ANO3: variants seen among roughly 807,000 people sequenced by gnomAD.
ANO3 encodes anoctamin-3.
A neutral mutation model predicts 144.8 loss-of-function variants in ANO3; 99 were observed. The ratio of observed to expected loss-of-function variants is 0.68; its 90% confidence interval spans 0.58 to 0.81. ANO3 has a LOEUF of 0.81. ANO3 is among the 30% of genes least tolerant of loss of function. The pLI is 0.00. For missense variants in ANO3, 905 were observed against 1,202.2 expected (o/e 0.75, Z 3.66); for synonymous variants, 414 against 392.6 (o/e 1.05, Z -0.64).
At chr11:26,639,112 A>G in intron 20 of ANO3, 32 bp from the exon 21 acceptor site, 1 of 1,455,890 alleles carries the variant, frequency 6.9e-7, no homozygotes, top group Non-Finnish European at 9.7e-7. Flanking sequence ...GAAGAAGACC[A>G]ATATCATTAT....
intron 1 of ANO3, among the ~76,000 whole-genome samples, chr11:26,319,937 C>G (rs997198958): frequency 1.3e-5 from 2 of 152,070 alleles, no homozygotes; most frequent in Non-Finnish European, 2.9e-5. Context: ...GGACTAAGAA[C>G]TTACCCAGTT....
At chr11:26,631,590 AT>A (rs1156731756) in intron 18 of ANO3, among the ~76,000 whole-genome samples, 1 of 152,162 alleles carries the variant, frequency 6.6e-6, no homozygotes, top group Non-Finnish European at 1.5e-5. Flanking sequence ...AAAAAATAAA[AT>A]CCAGCTAGAT....
Position 26,190,912 on chromosome 11 carries a change from A to T in ANO3, c.154+1582A>T, listed in dbSNP as rs1472328855. On this transcript the variant is annotated intron_variant, in intron 1 of 27. Coordinates refer to the ANO3 transcript ENST00000672621. Reference sequence around the variant, plus strand: ...CATATTTTTCTATGACTTCTAAGTAATCTCAATATTCCTTAACATTTATTG... The same window carrying T: ...CATATTTTTCTATGACTTCTAAGTATTCTCAATATTCCTTAACATTTATTG... Among the ~76,000 whole-genome samples the T allele has an allele frequency of 3.3e-5, 5 of 152,302 alleles. No homozygotes were observed. In the East Asian group the frequency reaches 9.7e-4, roughly 29 times the overall value.
chr11:26,231,852 C>T (rs1852406537), intron 1 of ANO3, among the ~76,000 whole-genome samples: 1 of 152,136 alleles, frequency 6.6e-6, no homozygotes, highest in Non-Finnish European at 1.5e-5. Context: ...TATTTGGAGT[C>T]AAACAGTCCT....
At chr11:26,563,909 C>A (rs1850405852) in intron 14 of ANO3, among the ~76,000 whole-genome samples, 1 of 151,826 alleles carries the variant, frequency 6.6e-6, no homozygotes, top group African/African-American at 2.4e-5. Flanking sequence ...TATTTGAAGA[C>A]TAAATTTTCA....
At position 26,412,240 on chromosome 11, in the gene ANO3, C is replaced by T. The variant is rs530453726; in HGVS notation, c.47-29678C>T. Among the ~76,000 whole-genome samples the T allele has an allele frequency of 7.9e-5, 12 of 151,844 alleles. 1 individual carries two copies. In the South Asian group the frequency reaches 2.5e-3, roughly 32 times the overall value. ...GGCTATCTGAACCTGTGATTACAGC[C>T]ACCTGTTAGATGGGGAGAAAAATAG... On this transcript the variant is annotated intron_variant, in intron 1 of 26. Coordinates refer to ENST00000256737, the MANE Select transcript of ANO3 (RefSeq NM_031418.4).
At chr11:26,447,278 AT>A (rs1858738368) in intron 3 of ANO3, among the ~76,000 whole-genome samples, 2 of 151,912 alleles carry the variant, frequency 1.3e-5, no homozygotes, top group Non-Finnish European at 1.5e-5. Context: ...TGGATAAACA[AT>A]AATTTACTGG....
intron 1 of ANO3, among the ~76,000 whole-genome samples, chr11:26,201,945 T>C (rs1851701919): frequency 6.6e-6 from 1 of 151,500 alleles, no homozygotes; most frequent in South Asian, 2.1e-4. Flanking sequence ...CCTATTACAG[T>C]TGTAATGATT....
intron 1 of ANO3, among the ~76,000 whole-genome samples, chr11:26,202,330 T>A (rs1167183060): frequency 6.8e-6 from 1 of 146,206 alleles, no homozygotes; most frequent in Non-Finnish European, 1.5e-5. Flanking sequence ...ATACATATGA[T>A]ATATATAATA....
chr11:26,396,615 T>TTAA (rs1857019989), intron 1 of ANO3, among the ~76,000 whole-genome samples: 1 of 151,934 alleles, frequency 6.6e-6, no homozygotes, highest in East Asian at 1.9e-4. Context: ...TATGCATCCA[T>TTAA]AAAAAGATGA....
rs553783096 is a variant in ANO3 at position 26,473,895 on chromosome 11, T to TA, written c.432+10756dup. The TA allele has an allele frequency of 4.0e-3, 3,789 of 943,490 alleles. 11 individuals carry two copies. The highest frequency in any genetic ancestry group is 0.018 in the African/African-American group (998 of 56,370). The allele number at this position is 943,490 out of a possible 1,614,324, so 58.4% of individuals were successfully genotyped here. ...TTCTTATAAAGAGATGAGTTATCTT[T>TA]AAAAAAAAATGATTATTCAAACTCT... On this transcript the variant is annotated intron_variant, in intron 4 of 26. Coordinates refer to ENST00000256737, the MANE Select transcript of ANO3 (RefSeq NM_031418.4).
chr11:26,459,558 CAACA>C (rs1859299594), intron 3 of ANO3, among the ~76,000 whole-genome samples: 1 of 151,058 alleles, frequency 6.6e-6, no homozygotes, highest in Middle Eastern at 3.2e-3. Flanking sequence ...AGAAAGCAGT[CAACA>C]AACAAGACAA....
intron 14 of ANO3, chr11:26,565,208 G>A (rs1850518266): frequency 6.6e-7 from 1 of 1,509,704 alleles, no homozygotes; most frequent in South Asian, 1.3e-5. Flanking sequence ...TTGAATTATT[G>A]GTGAATTTTA....
At chr11:26,281,459 C>G (rs1240371180) in intron 1 of ANO3, among the ~76,000 whole-genome samples, 1 of 152,126 alleles carries the variant, frequency 6.6e-6, no homozygotes, top group East Asian at 1.9e-4. Context: ...AGCTAAGAAC[C>G]TGTCCAAACT....
At chr11:26,582,296 A>G (rs1347676453) in intron 14 of ANO3, among the ~76,000 whole-genome samples, 1 of 152,238 alleles carries the variant, frequency 6.6e-6, no homozygotes, top group Non-Finnish European at 1.5e-5. Context: ...TACGGTGACA[A>G]GTACATTCTA....
intron 1 of ANO3, among the ~76,000 whole-genome samples, chr11:26,209,401 C>A (rs1851884963): frequency 6.6e-6 from 1 of 152,166 alleles, no homozygotes; most frequent in African/African-American, 2.4e-5. Flanking sequence ...CACTGATGGA[C>A]ATTTGGGTTG....
intron 1 of ANO3, among the ~76,000 whole-genome samples, chr11:26,264,588 T>A (rs934096278): frequency 6.6e-6 from 1 of 152,210 alleles, no homozygotes; most frequent in Non-Finnish European, 1.5e-5. Flanking sequence ...CTGCTAAGGC[T>A]GCCATAATGA....
intron 1 of ANO3, among the ~76,000 whole-genome samples, chr11:26,262,455 T>C (rs1463989493): frequency 2.0e-5 from 3 of 152,158 alleles, no homozygotes; most frequent in African/African-American, 7.2e-5. Context: ...TGATGTTATA[T>C]GTTCAGCTTC....
At chr11:26,574,816 A>G (rs1017606242) in intron 14 of ANO3, among the ~76,000 whole-genome samples, 1 of 152,150 alleles carries the variant, frequency 6.6e-6, no homozygotes, top group African/African-American at 2.4e-5. Flanking sequence ...AAGGTCAAAT[A>G]TTCCATTTTG....
Sources: allele counts gnomAD v4.1 joint callset (sites outside exome capture counted in the v4.1 genomes callset), GRCh38; gene constraint gnomAD v4.1.1; transcripts MANE v1.5; gene names NCBI Gene and HGNC (gene_info 2026-07-23, HGNC 2026-07-21).